The following PRKN variants were observed in gnomAD, a reference collection of about 807,000 sequenced individuals.
PRKN encodes the protein E3 ubiquitin-protein ligase parkin.
Under a neutral mutation model 59.5 loss-of-function variants are expected in PRKN, and 56 were observed. The ratio of observed to expected loss-of-function variants is 0.94; its 90% confidence interval spans 0.76 to 1.18. The LOEUF (loss-of-function observed/expected upper bound fraction) is 1.18, where lower values mean the gene tolerates loss of function less well. Ranked by LOEUF, PRKN falls within the 50% of genes most tolerant of loss-of-function variation. The pLI, the probability that PRKN is intolerant of heterozygous loss-of-function variation, is 0.00. For synonymous variants in PRKN, 250 were observed against 222.1 expected, an observed-to-expected ratio of 1.13 and a Z score of -1.12; for missense variants, 657 against 596.4, an observed-to-expected ratio of 1.10 and a Z score of -1.06.
intron 7 of PRKN, among the ~76,000 whole-genome samples, chr6:161,740,043 C>A (rs546803040): frequency 6.6e-6 from 1 of 152,336 alleles, no homozygotes; most frequent in South Asian, 2.1e-4. Context: ...GCCTGAGCCA[C>A]TGCGCCCGGC....
chr6:162,340,505 G>A (rs1264789427), intron 2 of PRKN, among the ~76,000 whole-genome samples: 18 of 152,114 alleles, frequency 1.2e-4, no homozygotes, highest in Non-Finnish European at 2.5e-4. Flanking sequence ...AATTAACTGT[G>A]TAGTTCTGTG....
intron 7 of PRKN, among the ~76,000 whole-genome samples, chr6:161,750,366 A>G (rs1788635394): frequency 6.6e-6 from 1 of 152,166 alleles, no homozygotes; most frequent in Non-Finnish European, 1.5e-5. Flanking sequence ...TTTCTGAATA[A>G]TTGTTGAAAC....
At chr6:162,383,960 C>T (rs1414606399) in intron 2 of PRKN, among the ~76,000 whole-genome samples, 1 of 152,192 alleles carries the variant, frequency 6.6e-6, no homozygotes, top group Non-Finnish European at 1.5e-5. Context: ...GTGCATCTTC[C>T]TCACCTCTCT....
intron 7 of PRKN, among the ~76,000 whole-genome samples, chr6:161,733,426 A>C (rs892632791): frequency 1.4e-4 from 22 of 152,186 alleles, no homozygotes; most frequent in African/African-American, 4.8e-4. Context: ...ACCCGGGTAT[A>C]ATCATCTTCA....
At chr6:161,504,425 G>C (rs368392760) in intron 9 of PRKN, among the ~76,000 whole-genome samples, 3 of 152,214 alleles carry the variant, frequency 2.0e-5, no homozygotes, top group Admixed American at 1.3e-4. Flanking sequence ...TGGGAAAAGG[G>C]GGTGAACCCT....
At chr6:162,618,202 G>C (rs963211971) in intron 1 of PRKN, among the ~76,000 whole-genome samples, 1 of 152,056 alleles carries the variant, frequency 6.6e-6, no homozygotes, top group Non-Finnish European at 1.5e-5. Flanking sequence ...ATGATATTCA[G>C]GATCAGCCAC....
intron 2 of PRKN, among the ~76,000 whole-genome samples, chr6:162,389,007 G>GAAAAAAA (rs71278564): frequency 5.8e-5 from 6 of 104,152 alleles, no homozygotes; most frequent in Non-Finnish European, 9.6e-5. Context: ...AGTTCCTCCA[G>GAAAAAAA]AAAAAAAAAA....
At chr6:161,624,435 C>T (rs188806097) in intron 7 of PRKN, among the ~76,000 whole-genome samples, 297 of 152,320 alleles carry the variant, frequency 1.9e-3, no homozygotes, top group Non-Finnish European at 3.5e-3. Context: ...AAAATACTTT[C>T]TCATTGCCAA....
At chr6:161,500,228 T>G (rs539455) in intron 9 of PRKN, among the ~76,000 whole-genome samples, 2 of 151,924 alleles carry the variant, frequency 1.3e-5, no homozygotes, top group Non-Finnish European at 2.9e-5. Context: ...CCCTCTCCCC[T>G]ATACATGCAC....
chr6:162,028,032 C>T (rs1783501866), intron 5 of PRKN, among the ~76,000 whole-genome samples: 1 of 151,910 alleles, frequency 6.6e-6, no homozygotes. Context: ...GCCTCTGACC[C>T]AGATTCCAAA....
chr6:162,169,764 T>C (rs988455457), intron 4 of PRKN, among the ~76,000 whole-genome samples: 1 of 152,208 alleles, frequency 6.6e-6, no homozygotes, highest in African/African-American at 2.4e-5. Context: ...CCAAAAAATA[T>C]TAAAGTCCTG....
chr6:162,011,966 A>T (rs1379402066), intron 5 of PRKN, among the ~76,000 whole-genome samples: 1 of 152,112 alleles, frequency 6.6e-6, no homozygotes, highest in Non-Finnish European at 1.5e-5. Flanking sequence ...ATAGCTAGCT[A>T]GCTAGAGGAT....
chr6:161,940,756 T>C lies in PRKN; in HGVS notation c.734+32546A>G, dbSNP rs148901308. ...CAGAAATCAGAATGTCTATGTGGCATGTGGCAAGGGAAGAAGGTACATTCA... is the reference window on the plus strand; with the variant it reads ...CAGAAATCAGAATGTCTATGTGGCACGTGGCAAGGGAAGAAGGTACATTCA... On this transcript the variant is annotated intron_variant, in intron 6 of 11. Transcript: ENST00000366898. Among the ~76,000 whole-genome samples the C allele has an allele frequency of 2.0e-5, 3 of 152,294 alleles. No individual in the cohort carries two copies. The East Asian group carries it at 5.8e-4, about 29-fold the overall frequency.
rs951853820 is a variant in PRKN, at chr6:161,442,548, C to T, written c.1084-55671G>A. On this transcript the variant is annotated intron_variant, in intron 9 of 11. Coordinates refer to ENST00000366898, the MANE Select transcript of PRKN (RefSeq NM_004562.3). This position sits in a 1 kb window ranked among gnomAD's most constrained non-coding sequence, Gnocchi z 4.6. ...GCGAGTACAAGAAGGCACTGAATAGCGTGCCGTTCCGCACCACCAAGCGGA... is the reference window on the plus strand; with the variant it reads ...GCGAGTACAAGAAGGCACTGAATAGTGTGCCGTTCCGCACCACCAAGCGGA... Among the ~76,000 whole-genome samples the T allele has an allele frequency of 2.6e-5, 4 of 152,230 alleles. No individual in the cohort carries two copies. Among genetic ancestry groups the T allele is most frequent in the African/African-American group, 9.6e-5 (4 of 41,460 alleles).
intron 1 of PRKN, among the ~76,000 whole-genome samples, chr6:162,664,732 G>GT (rs565102431): frequency 1.4e-3 from 206 of 150,716 alleles, no homozygotes; most frequent in Non-Finnish European, 2.3e-3. Flanking sequence ...TTTTGATGCT[G>GT]TTTTTTTTTC....
chr6:162,062,297 G>C, intron 4 of PRKN, among the ~76,000 whole-genome samples: 1 of 152,176 alleles, frequency 6.6e-6, no homozygotes, highest in Non-Finnish European at 1.5e-5. Flanking sequence ...AAATCAGCCT[G>C]AGTGAAAGAA....
At chr6:161,602,495 G>C (rs961100257) in intron 7 of PRKN, among the ~76,000 whole-genome samples, 1 of 152,142 alleles carries the variant, frequency 6.6e-6, no homozygotes, top group Non-Finnish European at 1.5e-5. Flanking sequence ...CATAGGGCCT[G>C]TTAGTCATGC....
chr6:161,505,299 G>GT (rs1778119984), intron 9 of PRKN, among the ~76,000 whole-genome samples: 2 of 151,936 alleles, frequency 1.3e-5, no homozygotes, highest in South Asian at 2.1e-4. Flanking sequence ...TTTTTCATGT[G>GT]TTTTTTGGCT....
intron 4 of PRKN, among the ~76,000 whole-genome samples, chr6:162,158,147 A>C (rs1017194403): frequency 2.0e-5 from 3 of 152,072 alleles, no homozygotes; most frequent in Non-Finnish European, 2.9e-5. Flanking sequence ...TAAATAATGA[A>C]AATTTTAAAA....
Sources: gnomAD v4.1 joint callset for allele counts (sites outside exome capture counted in the v4.1 genomes callset) on GRCh38, gnomAD v4.1.1 for gene constraint, Gnocchi (gnomAD v3.1) non-coding constraint, MANE v1.5 for transcripts, NCBI Gene and HGNC (gene_info 2026-07-23, HGNC 2026-07-21) for gene names.